TSLP: variants seen among roughly 807,000 people sequenced by gnomAD.
TSLP encodes thymic stroma-derived lymphopoietin.
TSLP carries 12 observed loss-of-function variants against 12.4 expected under a neutral mutation model. The ratio of observed to expected loss-of-function variants is 0.97; its 90% CI spans 0.62 to 1.57. The LOEUF is 1.57. Among genes scored for constraint, TSLP ranks in the 40% most tolerant of loss-of-function variants. The pLI is 0.00. For missense variants in TSLP, 222 were observed against 189.6 expected (o/e 1.17, Z -1.00); for synonymous variants, 97 against 69.5 (o/e 1.40, Z -1.97).
At chr5:111,071,351 A>G, upstream of TSLP, 1 of 1,219,120 alleles carries the variant, frequency 8.2e-7, no homozygotes, top group Non-Finnish European at 1.1e-6. Context: ...CATGGGACAT[A>G]TGCAAGGACT....
Position 111,077,593 on chromosome 5 carries a change from G to A in TSLP, c.*1519G>A, listed in dbSNP as rs1320702715. The A allele has an allele frequency of 2.6e-5, 4 of 152,518 alleles. No individual in the cohort carries two copies. Among genetic ancestry groups the A allele is most frequent in the African/African-American group, 4.8e-5 (2 of 41,414 alleles). 9.4% of individuals were successfully genotyped at this position (152,518 alleles called of 1,614,324 possible). ...TGTCTATTAACTCCATTTTAGTAGG[G>A]ATTCACTGACTAGATTTTACTGAAC... On this transcript the variant is annotated 3_prime_UTR_variant, in exon 4 of 4. Transcript: ENST00000344895.
chr5:111,075,179 C>T lies in TSLP; in HGVS notation c.352-767C>T, dbSNP rs556387526. Among the ~76,000 whole-genome samples, 120 of 152,226 alleles carry T rather than the reference C, an allele frequency of 7.9e-4. 1 individual carries two copies. Among genetic ancestry groups the T allele is most frequent in the Non-Finnish European group, 2.4e-4 (16 of 68,006 alleles). ...GAAATTTATTTCAGTCCCTCCCAAG[C>T]CCAAATGGAGAGTCTAAGACTAATA... is the stretch of plus-strand genomic sequence containing the variant. On this transcript the variant is annotated intron_variant, in intron 3 of 3. Transcript: ENST00000344895.
chr5:111,073,589 G>C lies in TSLP; in HGVS notation c.295G>C (p.Ala99Pro), dbSNP rs1363856211. 1 of 1,614,106 alleles carries C rather than the reference G, an allele frequency of 6.2e-7. No individual in the cohort carries two copies. The highest frequency in any genetic ancestry group is 8.5e-7 in the Non-Finnish European group (1 of 1,180,024). ...CGCGTCGCTCGCCAAAGAAATGTTC[G>C]CCATGAAAACTAAGGCTGCCTTAGC... ...GCASLAKEMF[A>P]MKTKAALAIW... is the part of the protein sequence containing the mutation. The change falls in exon 3 of 4, where the codon GCC becomes CCC. Residue 99 changes from alanine (A) to proline (P), a missense_variant. Ala to Pro is a conservative substitution (Grantham distance 27, BLOSUM62 -1). Coordinates refer to ENST00000344895, the MANE Select transcript of TSLP (RefSeq NM_033035.5).
upstream of TSLP, chr5:111,071,308 G>T: frequency 1.3e-6 from 1 of 758,146 alleles, no homozygotes; most frequent in Non-Finnish European, 2.0e-6. Context: ...AGTTGAAAGT[G>T]GCCACAGGAA....
rs1481957081 is a variant in TSLP, at chr5:111,077,596, T to A, written c.*1522T>A. 6.6e-6 allele frequency: 1 copy of A among 152,644 alleles called. No homozygotes were observed. The highest frequency in any genetic ancestry group is 2.4e-5 in the African/African-American group (1 of 41,456). 9.5% of individuals were successfully genotyped at this position (152,644 alleles called of 1,614,324 possible). Reference sequence around the variant, plus strand: ...CTATTAACTCCATTTTAGTAGGGATTCACTGACTAGATTTTACTGAACTAT... The same window carrying A: ...CTATTAACTCCATTTTAGTAGGGATACACTGACTAGATTTTACTGAACTAT... On this transcript the variant is annotated 3_prime_UTR_variant, in exon 4 of 4. Transcript: ENST00000344895.
In TSLP at chr5:111,077,537, C is replaced by T. The variant is rs1309911778; in HGVS notation, c.*1463C>T. The T allele has an allele frequency of 6.6e-6, 1 of 152,396 alleles. No individual in the cohort carries two copies. The highest frequency in any genetic ancestry group is 6.5e-5 in the Admixed American group (1 of 15,282). The allele number at this position is 152,396 out of a possible 1,614,324, so 9.4% of individuals were successfully genotyped here. A position where few individuals can be genotyped will look rare whatever the true frequency, so the allele number is the denominator to read the frequency against. ...TCTTCCTCTGAAGACCTGACCCAAG[C>T]TCTTAAATGCTATTGTAAGAGAAAT... On this transcript the variant is annotated 3_prime_UTR_variant, in exon 4 of 4. Transcript: ENST00000344895.
rs143926112 is a variant in TSLP at position 111,072,710 on chromosome 5, A to G, written c.172-178A>G. 9.5e-3 allele frequency among the ~76,000 whole-genome samples: 1,440 copies of G among 152,298 alleles called. 12 individuals are homozygous for G. The highest frequency in any genetic ancestry group is 0.017 in the Middle Eastern group (5 of 294). ...TGAACCTTTTGGTGTGGTTTCAAGC[A>G]CTAACCAGCACTATCTAATGGCTAT... is the stretch of plus-strand genomic sequence containing the variant. On this transcript the variant is annotated intron_variant, in intron 1 of 3. Transcript: ENST00000344895.
At chr5:111,073,224 C>T (rs959877952) in intron 2 of TSLP, 4 of 1,320,506 alleles carry the variant, frequency 3.0e-6, no homozygotes, top group African/African-American at 3.0e-5. Flanking sequence ...CCTCCGCGCT[C>T]GGGCTCGGAA....
At chr5:111,075,068 G>T (rs571562200) in intron 3 of TSLP, among the ~76,000 whole-genome samples, 2 of 152,142 alleles carry the variant, frequency 1.3e-5, no homozygotes, top group African/African-American at 4.8e-5. Context: ...TCTGCAGATG[G>T]CTACAATAAA....
rs1311410929 is a variant in TSLP at position 111,077,429 on chromosome 5, T to G, written c.*1355T>G. The G allele has an allele frequency of 6.6e-6, 1 of 152,234 alleles. No individual in the cohort carries two copies. Among genetic ancestry groups the G allele is most frequent in the Non-Finnish European group, 1.5e-5 (1 of 68,056 alleles). 9.4% of individuals were successfully genotyped at this position (152,234 alleles called of 1,614,324 possible). A position where few individuals can be genotyped will look rare whatever the true frequency, so the allele number is the denominator to read the frequency against. ...TAGAAAAGTAGGTAAGACTCAGCCT[T>G]TGTCCAGAGAAGCTCAGGGTATAGC... On this transcript the variant is annotated 3_prime_UTR_variant, in exon 4 of 4. Coordinates refer to ENST00000344895, the MANE Select transcript of TSLP (RefSeq NM_033035.5).
At chr5:111,075,809 T>A in intron 3 of TSLP, 137 bp from the exon 4 acceptor site, 1 of 888,500 alleles carries the variant, frequency 1.1e-6, no homozygotes, top group Non-Finnish European at 1.7e-6. Context: ...AAAAGGCACA[T>A]GCTAGCACAT....
chr5:111,076,611 T>C lies in TSLP; in HGVS notation c.*537T>C, dbSNP rs1752513554. 6.5e-6 allele frequency: 1 copy of C among 153,942 alleles called. No homozygotes were observed. The highest frequency in any genetic ancestry group is 1.4e-5 in the Non-Finnish European group (1 of 69,374). The allele number at this position is 153,942 out of a possible 1,614,324, so 9.5% of individuals were successfully genotyped here. ...GTATTCTAAGCCAAGTTTTAAATAT[T>C]ATCTAACAGACAAGAGTGGTATATA... is the stretch of plus-strand genomic sequence containing the variant. On this transcript the variant is annotated 3_prime_UTR_variant, in exon 4 of 4. Transcript: ENST00000344895.
intron 1 of TSLP, among the ~76,000 whole-genome samples, chr5:111,072,367 A>G (rs1181209901): frequency 1.3e-5 from 2 of 152,190 alleles, no homozygotes; most frequent in Non-Finnish European, 2.9e-5. Flanking sequence ...AGCAGGAGGT[A>G]AGAGCTTAAG....
chr5:111,075,054 C>G (rs796575990), intron 3 of TSLP, among the ~76,000 whole-genome samples: 1 of 152,074 alleles, frequency 6.6e-6, no homozygotes, highest in African/African-American at 2.4e-5. Flanking sequence ...GAGACCCTGG[C>G]AAATCTGCAG....
intron 2 of TSLP, chr5:111,073,221 G>T: frequency 7.7e-7 from 1 of 1,303,834 alleles, no homozygotes. Flanking sequence ...GCGCCTCCGC[G>T]CTCGGGCTCG....
chr5:111,073,300 G>T (rs1277671477), intron 2 of TSLP: 4 of 1,422,038 alleles, frequency 2.8e-6, no homozygotes, highest in Non-Finnish European at 3.7e-6. Flanking sequence ...TTTTCGCGAC[G>T]AGTGCCCTCC....
chr5:111,071,289 G>T (rs1187519803), upstream of TSLP: 5 of 633,472 alleles, frequency 7.9e-6, no homozygotes, highest in Non-Finnish European at 1.2e-5. Flanking sequence ...AAGGAGAAGG[G>T]AAAGCACTAG....
At chr5:111,071,509 AGGAG>A, upstream of TSLP, 1 of 1,549,392 alleles carries the variant, frequency 6.5e-7, no homozygotes, top group Non-Finnish European at 8.7e-7. Context: ...CAAAGCAAAA[AGGAG>A]GAAGGTGAGG....
rs1752533129 is a variant in TSLP, at chr5:111,077,156, C to G, written c.*1082C>G. On this transcript the variant is annotated 3_prime_UTR_variant, in exon 4 of 4. Coordinates refer to ENST00000344895, the MANE Select transcript of TSLP (RefSeq NM_033035.5). ...CTCTCACTCAATTTCCACTCAGAAC[C>G]CTATAAACACCAGTGGGAAGGGCAA... 1 of 152,216 alleles carries G rather than the reference C, an allele frequency of 6.6e-6. No individual in the cohort carries two copies. Among genetic ancestry groups the G allele is most frequent in the African/African-American group, 2.4e-5 (1 of 41,448 alleles). 9.4% of individuals were successfully genotyped at this position (152,216 alleles called of 1,614,324 possible).
Sources: gnomAD v4.1 joint callset for allele counts (sites outside exome capture counted in the v4.1 genomes callset) on GRCh38, gnomAD v4.1.1 for gene constraint, MANE v1.5 for transcripts, NCBI Gene and HGNC (gene_info 2026-07-23, HGNC 2026-07-21) for gene names.